Variants in NEGR1 observed in about 807,000 individuals in gnomAD.
NEGR1 encodes IgLON family member 4.
Under a neutral mutation model 40.9 loss-of-function variants are expected in NEGR1, and 10 were observed. The ratio of observed to expected loss-of-function variants is 0.24; its 90% CI spans 0.15 to 0.42. NEGR1 has a LOEUF of 0.42. NEGR1 is among the 10% of genes least tolerant of loss of function. The pLI, the probability that NEGR1 is intolerant of heterozygous loss-of-function variation, is 1.00. For synonymous variants in NEGR1, 185 were observed against 166.8 expected (o/e 1.11, Z -0.84); for missense variants, 352 against 438.9 (o/e 0.80, Z 1.77).
chr1:71,865,904 C>A (rs1660098201), intron 2 of NEGR1, among the ~76,000 whole-genome samples: 1 of 152,082 alleles, frequency 6.6e-6, no homozygotes, highest in African/African-American at 2.4e-5. Flanking sequence ...TGAGTGGGTT[C>A]TGTTTCCTGT....
intron 1 of NEGR1, among the ~76,000 whole-genome samples, chr1:72,145,241 G>A (rs1438960103): frequency 6.6e-6 from 1 of 152,060 alleles, no homozygotes; most frequent in Non-Finnish European, 1.5e-5. Context: ...ATAGTAAGTA[G>A]AAAGATATGC....
chr1:72,114,668 C>T (rs1649515436), intron 1 of NEGR1, among the ~76,000 whole-genome samples: 2 of 151,690 alleles, frequency 1.3e-5, no homozygotes, highest in Admixed American at 6.6e-5. Context: ...TTGGAAGAAG[C>T]TTTTCACTTC....
intron 1 of NEGR1, among the ~76,000 whole-genome samples, chr1:71,937,493 C>T (rs1645916573): frequency 6.6e-6 from 1 of 152,076 alleles, no homozygotes; most frequent in African/African-American, 2.4e-5. Flanking sequence ...ATTGCGTGTT[C>T]ATAACAACTC....
At chr1:71,563,264 T>G (rs1249158371) in intron 6 of NEGR1, among the ~76,000 whole-genome samples, 1 of 152,002 alleles carries the variant, frequency 6.6e-6, no homozygotes, top group Non-Finnish European at 1.5e-5. Flanking sequence ...CTTAATCTCC[T>G]GGAAAGACAC....
intron 6 of NEGR1, among the ~76,000 whole-genome samples, chr1:71,465,554 C>T (rs560779790): frequency 7.9e-5 from 12 of 152,032 alleles, no homozygotes; most frequent in South Asian, 2.1e-4. Context: ...CCTAGGGCTA[C>T]GACCTTTTAA....
chr1:71,580,020 C>A (rs370182583), intron 6 of NEGR1, among the ~76,000 whole-genome samples: 1 of 152,016 alleles, frequency 6.6e-6, no homozygotes, highest in Non-Finnish European at 1.5e-5. Context: ...ATGCTCATTG[C>A]GGCATTATTC....
intron 1 of NEGR1, among the ~76,000 whole-genome samples, chr1:72,082,384 C>T (rs1569933250): frequency 1.3e-5 from 2 of 152,146 alleles, no homozygotes; most frequent in East Asian, 3.9e-4. Context: ...ATTCGAATGT[C>T]ATTTTTATGA....
chr1:71,869,526 A>T (rs1269530127), intron 2 of NEGR1, among the ~76,000 whole-genome samples: 1 of 152,182 alleles, frequency 6.6e-6, no homozygotes, highest in Non-Finnish European at 1.5e-5. Flanking sequence ...TCTCACATTT[A>T]TTTAATGTGA....
At chr1:71,477,088 C>A (rs1288561648) in intron 6 of NEGR1, 1 of 152,108 alleles carries the variant, frequency 6.6e-6, no homozygotes, top group East Asian at 1.9e-4. Flanking sequence ...ATATTGTCAA[C>A]AAATCAATTT....
At chr1:72,046,011 G>A (rs537502669) in intron 1 of NEGR1, among the ~76,000 whole-genome samples, 29 of 151,770 alleles carry the variant, frequency 1.9e-4, no homozygotes, top group Middle Eastern at 3.4e-3. Flanking sequence ...TAGAAAGAAA[G>A]TAATTAATGG....
chr1:72,174,399 G>T (rs949310817), intron 1 of NEGR1, among the ~76,000 whole-genome samples: 1 of 152,108 alleles, frequency 6.6e-6, no homozygotes, highest in Non-Finnish European at 1.5e-5. Context: ...GATTCTATAT[G>T]TTTGGATAAA....
chr1:71,888,224 T>C (rs474680), intron 2 of NEGR1, among the ~76,000 whole-genome samples: 46,556 of 151,904 alleles, frequency 0.31, 7,430 homozygotes, highest in East Asian at 0.61. Context: ...CCAAGATGGC[T>C]GAATAGGAAC....
intron 2 of NEGR1, among the ~76,000 whole-genome samples, chr1:71,836,482 A>G (rs202076063): frequency 3.7e-4 from 46 of 124,126 alleles, no homozygotes; most frequent in South Asian, 1.4e-3. Flanking sequence ...ATATATGTGT[A>G]TATATATATA....
intron 6 of NEGR1, among the ~76,000 whole-genome samples, chr1:71,588,551 T>G (rs1649387070): frequency 6.6e-6 from 1 of 152,150 alleles, no homozygotes; most frequent in Non-Finnish European, 1.5e-5. Flanking sequence ...AAAGTTTGCT[T>G]TCTCTTTATT....
chr1:72,106,471 C>T lies in NEGR1; in HGVS notation c.177-171160G>A, dbSNP rs546594140. ...CAGTAGATATTGCTAGCTCTCTTAG[C>T]TTAAGTTACTCATACTAAATTTCAG... On this transcript the variant is annotated intron_variant, in intron 1 of 6. Coordinates refer to ENST00000357731, the MANE Select transcript of NEGR1 (RefSeq NM_173808.3). 7.9e-5 allele frequency among the ~76,000 whole-genome samples: 12 copies of T among 151,960 alleles called. No homozygotes were observed. The South Asian group carries it at 2.5e-3, about 32-fold the overall frequency.
chr1:71,482,687 C>T (rs1019581737), intron 6 of NEGR1, among the ~76,000 whole-genome samples: 20 of 151,798 alleles, frequency 1.3e-4, no homozygotes, highest in African/African-American at 3.9e-4. Flanking sequence ...CTTCAAACCG[C>T]GTAAGGCAAA....
chr1:71,620,340 A>G (rs1570114728), intron 4 of NEGR1, among the ~76,000 whole-genome samples: 1 of 152,072 alleles, frequency 6.6e-6, no homozygotes, highest in Non-Finnish European at 1.5e-5. Flanking sequence ...TTTAGGATTT[A>G]CATACTACAT....
At chr1:71,675,432 T>C (rs991819135) in intron 4 of NEGR1, among the ~76,000 whole-genome samples, 17 of 151,472 alleles carry the variant, frequency 1.1e-4, no homozygotes, top group South Asian at 2.1e-4. Flanking sequence ...TATATAGCTA[T>C]AGATATATAC....
intron 4 of NEGR1, among the ~76,000 whole-genome samples, chr1:71,693,696 G>T (rs1653373848): frequency 1.3e-5 from 2 of 151,556 alleles, no homozygotes; most frequent in Admixed American, 6.6e-5. Flanking sequence ...AATACTTATA[G>T]TAAATTATAT....
Sources: allele counts gnomAD v4.1 joint callset (sites outside exome capture counted in the v4.1 genomes callset), GRCh38; gene constraint gnomAD v4.1.1; transcripts MANE v1.5; gene names NCBI Gene and HGNC (gene_info 2026-07-23, HGNC 2026-07-21).